NR6A1: variants seen among roughly 807,000 people sequenced by gnomAD.
NR6A1 encodes the protein retinoic acid receptor-related testis-associated receptor.
A neutral mutation model predicts 59.1 loss-of-function variants in NR6A1; 7 were observed. That is an observed-to-expected ratio of 0.12 (90% CI 0.07 to 0.22). NR6A1 has a LOEUF of 0.22. NR6A1 is among the 10% of genes least tolerant of loss of function. The pLI is 1.00. For synonymous variants in NR6A1, 243 were observed against 236.1 expected (o/e 1.03, Z -0.27); for missense variants, 468 against 611.6 (o/e 0.77, Z 2.48).
chr9:124,709,395 T>C (rs1159664664), intron 2 of NR6A1, among the ~76,000 whole-genome samples: 1 of 152,136 alleles, frequency 6.6e-6, no homozygotes, highest in Non-Finnish European at 1.5e-5. Context: ...ACAAATACTT[T>C]AGTTAGTCTG....
intron 2 of NR6A1, among the ~76,000 whole-genome samples, chr9:124,681,050 A>G (rs1838137943): frequency 1.3e-5 from 2 of 152,180 alleles, no homozygotes; most frequent in South Asian, 4.1e-4. Flanking sequence ...ATTTTATTCA[A>G]TCTTGACCCT....
Position 124,550,709 on chromosome 9 carries a change from T to C in NR6A1, c.385+3619A>G, listed in dbSNP as rs553373070. 2.5e-3 allele frequency among the ~76,000 whole-genome samples: 376 copies of C among 152,028 alleles called. 1 individual carries two copies. Among genetic ancestry groups the C allele is most frequent in the Non-Finnish European group, 4.5e-3 (305 of 67,986 alleles). On this transcript the variant is annotated intron_variant, in intron 3 of 9. Coordinates refer to ENST00000487099, the MANE Select transcript of NR6A1 (RefSeq NM_033334.4). ...ATTCCTTCTACATTTATATTTATAT[T>C]TATATTTTTAGAGATGGAGTCTCAC... is the stretch of plus-strand genomic sequence containing the variant.
chr9:124,745,987 C>CAAAA lies in NR6A1; in HGVS notation c.101-12642_101-12639dup, dbSNP rs755252377. On this transcript the variant is annotated intron_variant, in intron 1 of 9. Transcript: ENST00000487099. Reference sequence around the variant, plus strand: ...TGGGCGACAGAGCCAGACTCTGTCTCAAAAAAAAAAAAAAAAAAAAAATCC... The same window carrying CAAAA: ...TGGGCGACAGAGCCAGACTCTGTCTCAAAAAAAAAAAAAAAAAAAAAAAAAATCC... Among the ~76,000 whole-genome samples the CAAAA allele has an allele frequency of 2.7e-4, 16 of 58,404 alleles. No homozygotes were observed. The South Asian group carries it at 7.2e-3, about 26-fold the overall frequency. 38.3% of individuals were successfully genotyped at this position (58,404 alleles called of 152,430 possible).
intron 2 of NR6A1, among the ~76,000 whole-genome samples, chr9:124,637,689 G>T (rs1288938256): frequency 6.6e-6 from 1 of 151,266 alleles, no homozygotes; most frequent in African/African-American, 2.4e-5. Context: ...CCAGGAGTTC[G>T]ACACCAGCCT....
At chr9:124,688,150 T>C (rs953993702) in intron 2 of NR6A1, among the ~76,000 whole-genome samples, 1 of 151,998 alleles carries the variant, frequency 6.6e-6, no homozygotes, top group Non-Finnish European at 1.5e-5. Flanking sequence ...AGTGAGACCC[T>C]GTCTGTACAA....
chr9:124,584,385 T>G (rs1356045642), intron 2 of NR6A1, among the ~76,000 whole-genome samples: 1 of 152,092 alleles, frequency 6.6e-6, no homozygotes, highest in Non-Finnish European at 1.5e-5. Context: ...GATTACAGTG[T>G]GAGCCACCGC....
chr9:124,601,398 C>T (rs1835443064), intron 2 of NR6A1, among the ~76,000 whole-genome samples: 1 of 151,218 alleles, frequency 6.6e-6, no homozygotes, highest in Non-Finnish European at 1.5e-5. Context: ...TCCTGGCGAA[C>T]ACAGTGAAAC....
intron 2 of NR6A1, chr9:124,598,927 G>C (rs1382497254): frequency 2.9e-6 from 2 of 700,400 alleles, no homozygotes; most frequent in East Asian, 5.5e-5. Flanking sequence ...TGGGGCACTC[G>C]TCGTTCCAGA....
At chr9:124,703,171 C>CTG (rs562510090) in intron 2 of NR6A1, among the ~76,000 whole-genome samples, 9 of 149,998 alleles carry the variant, frequency 6.0e-5, no homozygotes, top group African/African-American at 2.0e-4. Context: ...TCCCAAAGTG[C>CTG]TGAGATTACA....
At chr9:124,704,899 C>T (rs991420516) in intron 2 of NR6A1, among the ~76,000 whole-genome samples, 3 of 151,898 alleles carry the variant, frequency 2.0e-5, no homozygotes, top group Admixed American at 6.6e-5. Context: ...CCACAACTGG[C>T]GAATTTCTGG....
chr9:124,740,489 T>C (rs1000973397), intron 1 of NR6A1, among the ~76,000 whole-genome samples: 50 of 152,218 alleles, frequency 3.3e-4, no homozygotes, highest in African/African-American at 1.2e-3. Context: ...ACAGGGCTTG[T>C]AGGACTAAGA....
intron 2 of NR6A1, among the ~76,000 whole-genome samples, chr9:124,715,523 G>A (rs1839393096): frequency 1.3e-5 from 2 of 151,994 alleles, no homozygotes; most frequent in South Asian, 4.1e-4. Flanking sequence ...GTAACAGAGT[G>A]AGACCTAGTC....
At chr9:124,533,643 G>A (rs552336530) in intron 7 of NR6A1, among the ~76,000 whole-genome samples, 10 of 151,922 alleles carry the variant, frequency 6.6e-5, no homozygotes, top group African/African-American at 2.4e-4. Context: ...CAACTTTCAT[G>A]GATAGGGGCA....
rs1840534799 is a variant in NR6A1 at position 124,752,569 on chromosome 9, C to G, written c.100+18451G>C. Among the ~76,000 whole-genome samples the G allele has an allele frequency of 3.3e-5, 5 of 152,154 alleles. No homozygotes were observed. The South Asian group carries it at 1.0e-3, about 32-fold the overall frequency. ...AATGCACTTGAGATAACATCTGTTT[C>G]AAAAACTGCTGGCAATATCTTTTCT... is the stretch of plus-strand genomic sequence containing the variant. On this transcript the variant is annotated intron_variant, in intron 1 of 9. Coordinates refer to ENST00000487099, the MANE Select transcript of NR6A1 (RefSeq NM_033334.4).
At chr9:124,551,745 A>C (rs1162463604) in intron 3 of NR6A1, among the ~76,000 whole-genome samples, 1 of 152,218 alleles carries the variant, frequency 6.6e-6, no homozygotes, top group Non-Finnish European at 1.5e-5. Flanking sequence ...AGCTGATTAA[A>C]CAAATTTTCA....
chr9:124,658,176 T>C (rs912068661), intron 2 of NR6A1, among the ~76,000 whole-genome samples: 1 of 152,138 alleles, frequency 6.6e-6, no homozygotes, highest in Non-Finnish European at 1.5e-5. Flanking sequence ...TCTGGGTGGG[T>C]AATGCCACCA....
At chr9:124,578,949 A>G (rs1312558507) in intron 2 of NR6A1, among the ~76,000 whole-genome samples, 1 of 152,186 alleles carries the variant, frequency 6.6e-6, no homozygotes, top group East Asian at 1.9e-4. Flanking sequence ...TATCAATTCA[A>G]TTGCTTACCA....
intron 1 of NR6A1, among the ~76,000 whole-genome samples, chr9:124,748,726 GCGGTGGCAGGCGCC>G (rs1164778662): frequency 1.3e-5 from 2 of 151,976 alleles, no homozygotes; most frequent in Non-Finnish European, 2.9e-5. Context: ...TTAGCCAGGC[GCGGTGGCAGGCGCC>G]TGTAGTCCCA....
At chr9:124,740,470 T>C (rs1434283950) in intron 1 of NR6A1, among the ~76,000 whole-genome samples, 1 of 152,204 alleles carries the variant, frequency 6.6e-6, no homozygotes, top group Non-Finnish European at 1.5e-5. Context: ...AAACATGAGA[T>C]ACAGTGACAC....
Sources: allele counts gnomAD v4.1 joint callset (sites outside exome capture counted in the v4.1 genomes callset), GRCh38; gene constraint gnomAD v4.1.1; transcripts MANE v1.5; gene names NCBI Gene and HGNC (gene_info 2026-07-23, HGNC 2026-07-21).